STK33: variants seen among roughly 807,000 people sequenced by gnomAD.
STK33 encodes the protein serine/threonine kinase 33.
A neutral mutation model predicts 58.0 loss-of-function variants in STK33; 52 were observed. The ratio of observed to expected loss-of-function variants is 0.90; its 90% CI spans 0.72 to 1.13. STK33 has a LOEUF of 1.13. Among genes scored for constraint, STK33 ranks in the 50% most tolerant of loss-of-function variants. STK33 has a pLI of 0.00. For synonymous variants in STK33, 215 were observed against 200.1 expected, an observed-to-expected ratio of 1.07 and a Z score of -0.63; for missense variants, 630 against 604.2, an observed-to-expected ratio of 1.04 and a Z score of -0.45.
chr11:8,544,444 T>G (rs1299761269), intron 1 of STK33, among the ~76,000 whole-genome samples: 1 of 150,724 alleles, frequency 6.6e-6, no homozygotes, highest in Non-Finnish European at 1.5e-5. Context: ...CTTAGAAGAA[T>G]AATGATTGTT....
chr11:8,445,626 T>C (rs1945342668), intron 11 of STK33, among the ~76,000 whole-genome samples: 1 of 149,516 alleles, frequency 6.7e-6, no homozygotes, highest in Non-Finnish European at 1.5e-5. Context: ...TTTCTGCATC[T>C]ATTGAGATAA....
intron 5 of STK33, among the ~76,000 whole-genome samples, chr11:8,473,798 C>T (rs1949010875): frequency 6.6e-6 from 1 of 152,122 alleles, no homozygotes; most frequent in African/African-American, 2.4e-5. Context: ...GGAATGGGAA[C>T]CTGACTTTTC....
chr11:8,574,632 C>A (rs771082667), intron 1 of STK33, among the ~76,000 whole-genome samples: 4 of 151,994 alleles, frequency 2.6e-5, no homozygotes, highest in African/African-American at 9.7e-5. Context: ...ACCATGTTAC[C>A]AAAACCAAAC....
chr11:8,556,923 T>C (rs147439456), intron 1 of STK33, among the ~76,000 whole-genome samples: 38 of 152,188 alleles, frequency 2.5e-4, no homozygotes, highest in African/African-American at 9.2e-4. Context: ...GCACTTGCTA[T>C]TGACTAAGAT....
Position 8,464,830 on chromosome 11 carries a change from A to G in STK33, c.340-8T>C, listed in dbSNP as rs753595839. 41 of 1,453,392 alleles carry G rather than the reference A, an allele frequency of 2.8e-5. No individual in the cohort carries two copies. Among genetic ancestry groups the G allele is most frequent in the Non-Finnish European group, 3.5e-5 (37 of 1,059,322 alleles). 90.0% of individuals were successfully genotyped at this position (1,453,392 alleles called of 1,614,324 possible). A position where few individuals can be genotyped will look rare whatever the true frequency, so the allele number is the denominator to read the frequency against. ...TCCAAAGGTATAGATTTCCTGGAGA[A>G]AAAAAAAAAAAGAGTTGTCTCTCTA... On this transcript the variant is annotated splice_polypyrimidine_tract_variant and splice_region_variant and intron_variant, in intron 6 of 15. Transcript: ENST00000687296.
intron 1 of STK33, among the ~76,000 whole-genome samples, chr11:8,485,594 G>A (rs1242752841): frequency 2.0e-5 from 3 of 152,168 alleles, no homozygotes; most frequent in Non-Finnish European, 4.4e-5. Context: ...ATTTCATGTA[G>A]CTTTATGCTT....
chr11:8,454,785 T>G lies in STK33; in HGVS notation c.745A>C (p.Ser249Arg), dbSNP rs1946652631. 1 of 1,576,618 alleles carries G rather than the reference T, an allele frequency of 6.3e-7. No homozygotes were observed. Among genetic ancestry groups the G allele is most frequent in the Admixed American group, 1.8e-5 (1 of 55,834 alleles). The stretch of plus-strand genomic sequence containing the variant: ...ATTTCATTGTTATCATCAATAAGAC[T>G]GCTTTTAACCATTATATTTTCCAGT... ...LKLENIMVKS[S>R]LIDDNNEINL... The change falls in exon 10 of 16, where the codon AGT becomes CGT. Residue 249 changes from serine (S) to arginine (R), a missense_variant. Transcript: ENST00000687296.
chr11:8,554,251 C>T (rs2140725520), intron 1 of STK33, among the ~76,000 whole-genome samples: 1 of 151,776 alleles, frequency 6.6e-6, no homozygotes, highest in East Asian at 1.9e-4. Context: ...AACCCCGTCT[C>T]TATTAAAAAT....
intron 1 of STK33, among the ~76,000 whole-genome samples, chr11:8,544,184 G>A (rs1955733484): frequency 3.3e-5 from 5 of 151,382 alleles, no homozygotes; most frequent in Admixed American, 6.6e-5. Context: ...CGACAGGCAC[G>A]GGTGTGTGAT....
intron 6 of STK33, chr11:8,465,439 C>G (rs1272961006): frequency 1.3e-5 from 2 of 152,174 alleles, no homozygotes; most frequent in East Asian, 1.9e-4. Context: ...AGAATCCATC[C>G]TCTTATCATT....
Position 8,401,757 on chromosome 11 carries a change from T to C in STK33, c.1345-9047A>G, listed in dbSNP as rs1235356004. On this transcript the variant is annotated intron_variant, in intron 15 of 15. Coordinates refer to ENST00000687296, the MANE Select transcript of STK33 (RefSeq NM_001352389.2). ...GCTAATATCCAGAATCTATAATGAA[T>C]TCAAACAAATTTACAAGAAAAAACA... Among the ~76,000 whole-genome samples the C allele has an allele frequency of 9.9e-5, 15 of 152,072 alleles. No homozygotes were observed. The East Asian group carries it at 1.9e-3, about 20-fold the overall frequency.
At chr11:8,488,280 A>T (rs1172483193) in intron 1 of STK33, among the ~76,000 whole-genome samples, 1 of 152,198 alleles carries the variant, frequency 6.6e-6, no homozygotes, top group Non-Finnish European at 1.5e-5. Flanking sequence ...GAGCAACAAC[A>T]GACTAACCAA....
chr11:8,433,418 G>C (rs2136205682), intron 14 of STK33, among the ~76,000 whole-genome samples: 1 of 152,206 alleles, frequency 6.6e-6, no homozygotes, highest in East Asian at 1.9e-4. Flanking sequence ...CTCTCTATCT[G>C]TATTTTCTTC....
rs532418427 is a variant in STK33, at chr11:8,549,933, A to AT, written c.-466+44149dup. Among the ~76,000 whole-genome samples the AT allele has an allele frequency of 2.1e-3, 320 of 152,188 alleles. 2 individuals are homozygous for AT. The highest frequency in any genetic ancestry group is 7.3e-3 in the African/African-American group (303 of 41,538). On this transcript the variant is annotated intron_variant, in intron 1 of 15. Coordinates refer to ENST00000687296, the MANE Select transcript of STK33 (RefSeq NM_001352389.2). Reference sequence around the variant, plus strand: ...AAAAAACCAACTTTTAAATTCATTGATTTTTTAAGTCAGCTTATCTTTACT... The same window carrying AT: ...AAAAAACCAACTTTTAAATTCATTGATTTTTTTAAGTCAGCTTATCTTTACT...
intron 7 of STK33, among the ~76,000 whole-genome samples, chr11:8,462,387 TTATA>T (rs745562606): frequency 1.5e-5 from 2 of 134,736 alleles, no homozygotes; most frequent in African/African-American, 2.7e-5. Flanking sequence ...TTTGATTTGA[TTATA>T]TATATATATA....
intron 8 of STK33, 41 bp from the exon 9 acceptor site, chr11:8,457,520 T>C (rs1397743214): frequency 6.7e-7 from 1 of 1,487,008 alleles, no homozygotes; most frequent in Non-Finnish European, 9.1e-7. Context: ...GCAAATTATA[T>C]ATCTGGGGAT....
At chr11:8,374,806 C>T in the STK33 span, among the ~76,000 whole-genome samples, 1 of 152,170 alleles carries the variant, frequency 6.6e-6, no homozygotes, top group Admixed American at 6.5e-5. Context: ...CCTCGCTGTT[C>T]TTTTCTCCCT....
rs184421679 is a variant in STK33, at chr11:8,395,826, C to T, written c.1345-3116G>A. The stretch of plus-strand genomic sequence containing the variant: ...TATATATTTTAGAAGAGAAATTCTT[C>T]GGATAAATGGTATATGGATTTGTAA... On this transcript the variant is annotated intron_variant, in intron 15 of 15. Transcript: ENST00000687296. Among the ~76,000 whole-genome samples the T allele has an allele frequency of 2.6e-3, 398 of 152,264 alleles. 2 individuals are homozygous for T. The highest frequency in any genetic ancestry group is 9.1e-3 in the African/African-American group (378 of 41,562).
At chr11:8,452,391 G>C (rs1194105115) in intron 11 of STK33, among the ~76,000 whole-genome samples, 1 of 152,114 alleles carries the variant, frequency 6.6e-6, no homozygotes, top group African/African-American at 2.4e-5. Context: ...AAGTGAAATT[G>C]CTTGACCTAA....
Sources: gnomAD v4.1 joint callset for allele counts (sites outside exome capture counted in the v4.1 genomes callset) on GRCh38, gnomAD v4.1.1 for gene constraint, MANE v1.5 for transcripts, NCBI Gene and HGNC (gene_info 2026-07-23, HGNC 2026-07-21) for gene names.